The following EMCN variants were observed in gnomAD, a reference collection of about 807,000 sequenced individuals.
EMCN encodes the protein MUC-14.
A neutral mutation model predicts 38.4 loss-of-function variants in EMCN; 37 were observed. The observed-to-expected ratio is 0.96, with a 90% CI of 0.74 to 1.27. EMCN has a LOEUF of 1.27. Ranked by LOEUF, EMCN falls within the 50% of genes most tolerant of loss-of-function variation. The pLI is 0.00. For missense variants in EMCN, 318 were observed against 302.8 expected (o/e 1.05, Z -0.37); for synonymous variants, 95 against 100.8 (o/e 0.94, Z 0.35).
intron 1 of EMCN, among the ~76,000 whole-genome samples, chr4:100,508,487 A>G (rs958794579): frequency 3.3e-5 from 5 of 152,182 alleles, no homozygotes; most frequent in African/African-American, 1.2e-4. Flanking sequence ...TCTCATGTCA[A>G]TTGCACAAAG....
At chr4:100,415,290 TC>T (rs1398889337) in intron 10 of EMCN, among the ~76,000 whole-genome samples, 2 of 152,174 alleles carry the variant, frequency 1.3e-5, no homozygotes, top group Non-Finnish European at 2.9e-5. Context: ...GAAAGAAAAA[TC>T]CATGATTTTA....
chr4:100,454,851 A>G (rs1446233834), intron 4 of EMCN, among the ~76,000 whole-genome samples: 1 of 152,132 alleles, frequency 6.6e-6, no homozygotes, highest in Non-Finnish European at 1.5e-5. Context: ...GTCTGATATT[A>G]TTGTAGTCCC....
intron 4 of EMCN, among the ~76,000 whole-genome samples, chr4:100,450,472 C>T (rs1372621302): frequency 1.3e-5 from 2 of 151,944 alleles, no homozygotes; most frequent in Admixed American, 1.3e-4. Flanking sequence ...AACAGACTTA[C>T]ACCTAGAACA....
At chr4:100,462,670 C>T (rs1345824748) in intron 4 of EMCN, among the ~76,000 whole-genome samples, 1 of 152,022 alleles carries the variant, frequency 6.6e-6, no homozygotes, top group Non-Finnish European at 1.5e-5. Context: ...ATATTACTTA[C>T]AAAATAGGTT....
chr4:100,489,592 T>TA (rs1186005067), intron 1 of EMCN, among the ~76,000 whole-genome samples: 1 of 152,176 alleles, frequency 6.6e-6, no homozygotes, highest in Non-Finnish European at 1.5e-5. Flanking sequence ...GATGCTAGTA[T>TA]AAAAAAACCT....
At chr4:100,414,496 C>G (rs1237657225) in intron 10 of EMCN, among the ~76,000 whole-genome samples, 4 of 151,788 alleles carry the variant, frequency 2.6e-5, no homozygotes, top group East Asian at 3.9e-4. Context: ...TCCTTTGCCC[C>G]CTTCAGATGG....
chr4:100,490,377 A>G (rs1268754347), intron 1 of EMCN, among the ~76,000 whole-genome samples: 1 of 152,150 alleles, frequency 6.6e-6, no homozygotes. Context: ...GTATAGAAAA[A>G]AATATTTTTT....
At chr4:100,494,812 G>C (rs1441270411) in intron 1 of EMCN, among the ~76,000 whole-genome samples, 2 of 151,424 alleles carry the variant, frequency 1.3e-5, no homozygotes, top group Non-Finnish European at 2.9e-5. Flanking sequence ...CAAGAGTATG[G>C]GTAAGAGAAG....
At chr4:100,413,753 T>C (rs899197857) in intron 10 of EMCN, among the ~76,000 whole-genome samples, 7 of 152,178 alleles carry the variant, frequency 4.6e-5, no homozygotes, top group Non-Finnish European at 1.0e-4. Flanking sequence ...GTAAAAGCAA[T>C]ACAATTTCTA....
intron 4 of EMCN, among the ~76,000 whole-genome samples, chr4:100,458,653 G>A (rs944738539): frequency 1.3e-5 from 2 of 152,136 alleles, no homozygotes; most frequent in Non-Finnish European, 2.9e-5. Flanking sequence ...GGGACCTAAA[G>A]TCAGAAGGCC....
intron 9 of EMCN, among the ~76,000 whole-genome samples, chr4:100,416,662 T>G (rs1350763590): frequency 6.6e-6 from 1 of 152,176 alleles, no homozygotes; most frequent in Non-Finnish European, 1.5e-5. Context: ...TCATCATGTC[T>G]CTTTGCAGCA....
intron 11 of EMCN, among the ~76,000 whole-genome samples, chr4:100,407,772 C>T (rs139204433): frequency 0.01 from 1,536 of 152,250 alleles, 17 homozygotes; most frequent in African/African-American, 0.035. Context: ...ATCAACCTCT[C>T]TAGCTAAGTT....
At chr4:100,455,540 A>AT (rs11432935) in intron 4 of EMCN, among the ~76,000 whole-genome samples, 136,422 of 148,516 alleles carry the variant, frequency 0.92, 62,695 homozygotes, top group South Asian at 0.96. Flanking sequence ...AGTACTAAAA[A>AT]GTTGTTTCAT....
intron 1 of EMCN, among the ~76,000 whole-genome samples, chr4:100,514,456 T>C (rs1230760351): frequency 6.6e-6 from 1 of 152,092 alleles, no homozygotes; most frequent in African/African-American, 2.4e-5. Context: ...TGACCTAGTT[T>C]CCTTACCTTT....
chr4:100,484,272 G>A (rs1560635310), intron 1 of EMCN, among the ~76,000 whole-genome samples: 1 of 151,902 alleles, frequency 6.6e-6, no homozygotes, highest in Admixed American at 6.6e-5. Context: ...AACTTGCTTT[G>A]TTTTTTATCT....
At chr4:100,427,723 A>G (rs1165306846) in intron 5 of EMCN, among the ~76,000 whole-genome samples, 1 of 152,072 alleles carries the variant, frequency 6.6e-6, no homozygotes, top group African/African-American at 2.4e-5. Context: ...CTGATTCCTC[A>G]ACTTATACTT....
intron 8 of EMCN, among the ~76,000 whole-genome samples, chr4:100,419,901 C>A (rs913108081): frequency 6.6e-6 from 1 of 152,066 alleles, no homozygotes; most frequent in Non-Finnish European, 1.5e-5. Flanking sequence ...ACTGTCCATG[C>A]AATGCATGGT....
intron 5 of EMCN, among the ~76,000 whole-genome samples, chr4:100,445,779 A>G (rs553396807): frequency 6.2e-4 from 94 of 152,098 alleles, no homozygotes; most frequent in Admixed American, 1.2e-3. Flanking sequence ...CTTTTGGGGG[A>G]TGGTGTTTCC....
intron 11 of EMCN, among the ~76,000 whole-genome samples, chr4:100,406,883 G>C (rs745940685): frequency 3.3e-5 from 5 of 152,098 alleles, no homozygotes; most frequent in African/African-American, 7.2e-5. Context: ...AAGACTAAAA[G>C]AATTTGTTTT....
Sources: gnomAD v4.1 joint callset for allele counts (sites outside exome capture counted in the v4.1 genomes callset) on GRCh38, gnomAD v4.1.1 for gene constraint, MANE v1.5 for transcripts, NCBI Gene and HGNC (gene_info 2026-07-23, HGNC 2026-07-21) for gene names.